The following MECOM variants were observed in gnomAD, a reference collection of about 807,000 sequenced individuals.
MECOM encodes the protein histone-lysine N-methyltransferase MECOM.
In MECOM, 13 loss-of-function variants were observed where a neutral mutation model predicts 116.3. The ratio of observed to expected loss-of-function variants is 0.11; its 90% CI spans 0.07 to 0.18. MECOM has a LOEUF of 0.18. MECOM is among the 10% of genes least tolerant of loss of function. MECOM has a pLI of 1.00. For missense variants in MECOM, 1,299 were observed against 1,509.0 expected, an observed-to-expected ratio of 0.86 and a Z score of 2.31; for synonymous variants, 528 against 535.2, an observed-to-expected ratio of 0.99 and a Z score of 0.19.
chr3:169,107,846 C>A, intron 10 of MECOM, 80 bp downstream of exon 10: 1 of 1,191,216 alleles, frequency 8.4e-7, no homozygotes, highest in Non-Finnish European at 1.2e-6. Context: ...TTATTTATGT[C>A]TGTACAGCAA....
At chr3:169,483,248 A>G (rs531651990) in intron 1 of MECOM, among the ~76,000 whole-genome samples, 3 of 132,982 alleles carry the variant, frequency 2.3e-5, no homozygotes, top group Non-Finnish European at 4.7e-5. Flanking sequence ...ATTGACAGTC[A>G]TTTTCCCACA....
chr3:169,309,261 T>A (rs1014483238), intron 2 of MECOM, among the ~76,000 whole-genome samples: 1 of 152,182 alleles, frequency 6.6e-6, no homozygotes, highest in Admixed American at 6.5e-5. Context: ...CTATGACATA[T>A]GCAAGTTTAA....
chr3:169,520,654 T>C (rs1000184838), intron 1 of MECOM, among the ~76,000 whole-genome samples: 3 of 152,216 alleles, frequency 2.0e-5, no homozygotes, highest in African/African-American at 7.2e-5. Context: ...TTATCTCATT[T>C]CTCATTTTGG....
chr3:169,541,920 C>T (rs1238814912), intron 1 of MECOM, among the ~76,000 whole-genome samples: 1 of 152,034 alleles, frequency 6.6e-6, no homozygotes, highest in Non-Finnish European at 1.5e-5. Context: ...AAAGACAAAC[C>T]CACGGTATTT....
chr3:169,416,855 G>A, intron 1 of MECOM, among the ~76,000 whole-genome samples: 1 of 152,108 alleles, frequency 6.6e-6, no homozygotes, highest in Non-Finnish European at 1.5e-5. Context: ...AAGCAATGGG[G>A]AAAGGATTCC....
chr3:169,183,274 A>T (rs892641752), intron 2 of MECOM, among the ~76,000 whole-genome samples: 3 of 152,186 alleles, frequency 2.0e-5, no homozygotes, highest in Admixed American at 6.5e-5. Flanking sequence ...ACTCATTGCC[A>T]TAGGGTAGGA....
In MECOM at chr3:169,154,393, G is replaced by A. The variant is rs371029324; in HGVS notation, c.376-10561C>T. Among the ~76,000 whole-genome samples the A allele has an allele frequency of 1.7e-3, 258 of 150,630 alleles. 10 individuals carry two copies. In the South Asian group the frequency reaches 0.05, roughly 29 times the overall value. On this transcript the variant is annotated intron_variant, in intron 2 of 16. Coordinates refer to ENST00000651503, the MANE Select transcript of MECOM (RefSeq NM_004991.4). ...TTGCCCAGAGTCTACCATAATGCAT[G>A]ACATCAAGTATTTAGTAGATGTTTG...
intron 2 of MECOM, among the ~76,000 whole-genome samples, chr3:169,334,423 C>T (rs1723261854): frequency 6.6e-6 from 1 of 152,114 alleles, no homozygotes; most frequent in African/African-American, 2.4e-5. Flanking sequence ...ACCAGGAAAG[C>T]TTTATAAAGT....
chr3:169,375,378 T>A (rs1172518538), intron 2 of MECOM, among the ~76,000 whole-genome samples: 1 of 130,882 alleles, frequency 7.6e-6, no homozygotes, highest in Non-Finnish European at 1.6e-5. Flanking sequence ...AAAAAATCAA[T>A]GAATCCAGGA....
intron 2 of MECOM, among the ~76,000 whole-genome samples, chr3:169,315,735 C>G (rs1157379202): frequency 6.6e-6 from 1 of 152,138 alleles, no homozygotes; most frequent in Non-Finnish European, 1.5e-5. Context: ...TCCTGTATTC[C>G]TTTGTAATAA....
intron 2 of MECOM, among the ~76,000 whole-genome samples, chr3:169,293,532 T>G (rs1314545560): frequency 2.6e-5 from 4 of 152,234 alleles, no homozygotes; most frequent in Non-Finnish European, 4.4e-5. Context: ...CTTTCAGGTT[T>G]CTGTTCCAGT....
intron 10 of MECOM, among the ~76,000 whole-genome samples, chr3:169,106,171 A>G (rs1366314950): frequency 2.6e-5 from 4 of 152,134 alleles, no homozygotes; most frequent in Non-Finnish European, 5.9e-5. Context: ...TTCTATATTT[A>G]TTCACTTGAT....
intron 2 of MECOM, among the ~76,000 whole-genome samples, chr3:169,251,503 G>A (rs1313194736): frequency 1.3e-5 from 2 of 152,254 alleles, no homozygotes; most frequent in Admixed American, 6.5e-5. Flanking sequence ...AACTTCCAGC[G>A]ACTTGAATGC....
chr3:169,433,693 A>AAGAAAGAAAGAAAGAAAGAAAG (rs1560269065), intron 1 of MECOM, among the ~76,000 whole-genome samples: 1 of 136,590 alleles, frequency 7.3e-6, no homozygotes, highest in African/African-American at 2.7e-5. Flanking sequence ...AAGAAAGAGA[A>AAGAAAGAAAGAAAGAAAGAAAG]AGAAAGAAAA....
intron 2 of MECOM, among the ~76,000 whole-genome samples, chr3:169,235,061 T>C (rs1302023839): frequency 6.6e-6 from 1 of 152,154 alleles, no homozygotes; most frequent in Middle Eastern, 3.2e-3. Flanking sequence ...TTAGGAAAAA[T>C]AAACACTTCT....
intron 2 of MECOM, among the ~76,000 whole-genome samples, chr3:169,166,395 C>T (rs1196795460): frequency 1.3e-5 from 2 of 152,116 alleles, no homozygotes; most frequent in Non-Finnish European, 2.9e-5. Flanking sequence ...TTTTATCACT[C>T]TTTTAACGTC....
At chr3:169,142,230 A>G (rs1334907909) in intron 3 of MECOM, among the ~76,000 whole-genome samples, 1 of 151,940 alleles carries the variant, frequency 6.6e-6, no homozygotes, top group Non-Finnish European at 1.5e-5. Context: ...CCGTTCTTAA[A>G]TCATCTTTTC....
intron 1 of MECOM, among the ~76,000 whole-genome samples, chr3:169,645,646 T>C (rs1774084623): frequency 6.6e-6 from 1 of 152,198 alleles, no homozygotes; most frequent in South Asian, 2.1e-4. Context: ...CTCTCATCTA[T>C]TGCGGCTACA....
intron 1 of MECOM, among the ~76,000 whole-genome samples, chr3:169,496,125 G>A (rs9856695): frequency 0.63 from 96,590 of 152,118 alleles, 30,970 homozygotes; most frequent in South Asian, 0.79. Context: ...TGGGGAAATT[G>A]GAAGCAAAGA....
Sources: allele counts gnomAD v4.1 joint callset (sites outside exome capture counted in the v4.1 genomes callset), GRCh38; gene constraint gnomAD v4.1.1; transcripts MANE v1.5; gene names NCBI Gene and HGNC (gene_info 2026-07-23, HGNC 2026-07-21).